SIDT1: variants seen among roughly 807,000 people sequenced by gnomAD.
The protein encoded by SIDT1 is SID1 transmembrane family, member 1.
A neutral mutation model predicts 107.5 loss-of-function variants in SIDT1; 101 were observed. The ratio of observed to expected loss-of-function variants is 0.94; its 90% CI spans 0.80 to 1.11. The LOEUF (loss-of-function observed/expected upper bound fraction) is 1.11. Ranked by LOEUF, SIDT1 falls within the 50% of genes least tolerant of loss-of-function variation. The pLI is 0.00. For synonymous variants in SIDT1, 395 were observed against 398.2 expected, an observed-to-expected ratio of 0.99 and a Z score of 0.10; for missense variants, 1,076 against 1,058.2, an observed-to-expected ratio of 1.02 and a Z score of -0.23.
At position 113,608,566 on chromosome 3, in the gene SIDT1, T is replaced by C. The variant is rs200007260; in HGVS notation, c.1720+30T>C. 9.5e-5 allele frequency: 139 copies of C among 1,467,258 alleles called. No individual in the cohort carries two copies. In the African/African-American group the frequency reaches 1.8e-3, roughly 19 times the overall value. 90.9% of individuals were successfully genotyped at this position (1,467,258 alleles called of 1,614,324 possible). On this transcript the variant is annotated intron_variant, in intron 17 of 24. Coordinates refer to ENST00000264852, the MANE Select transcript of SIDT1 (RefSeq NM_017699.3). Reference sequence around the variant, plus strand: ...TTAGAACTTATATCTACTATACAGATTTGAATCGTCAGTCTTATCCTGGAA... The same window carrying C: ...TTAGAACTTATATCTACTATACAGACTTGAATCGTCAGTCTTATCCTGGAA...
At chr3:113,548,097 C>T (rs1939801796) in intron 1 of SIDT1, among the ~76,000 whole-genome samples, 1 of 152,010 alleles carries the variant, frequency 6.6e-6, no homozygotes, top group African/African-American at 2.4e-5. Flanking sequence ...TCTGCCTAAC[C>T]CAGGATTCTA....
In SIDT1 at chr3:113,581,382, C is replaced by G; in HGVS notation, c.685C>G (p.His229Asp). ...NIMCPVYDLD[H>D]NVEFNGVYQS... is the part of the protein sequence containing the mutation. ...GCAGTGCCCGGTGTATGATCTCGACCACAATGTGGAATTTAATGGTGTCTA... is the reference window on the plus strand; with the variant it reads ...GCAGTGCCCGGTGTATGATCTCGACGACAATGTGGAATTTAATGGTGTCTA... Residue 229 changes from histidine (H) to aspartate (D), a missense_variant, in exon 6 of 25, where the codon CAC becomes GAC. Coordinates refer to ENST00000264852, the MANE Select transcript of SIDT1 (RefSeq NM_017699.3). The G allele has an allele frequency of 6.2e-7, 1 of 1,613,530 alleles. No homozygotes were observed. The highest frequency in any genetic ancestry group is 8.5e-7 in the Non-Finnish European group (1 of 1,179,786).
At chr3:113,598,052 A>C (rs779324240) in intron 10 of SIDT1, among the ~76,000 whole-genome samples, 4 of 152,258 alleles carry the variant, frequency 2.6e-5, no homozygotes, top group Non-Finnish European at 4.4e-5. Flanking sequence ...ATTGGTGCAT[A>C]TAAAAGTCCA....
intron 19 of SIDT1, chr3:113,612,473 T>C (rs536522132): frequency 4.0e-5 from 21 of 519,386 alleles, no homozygotes; most frequent in African/African-American, 3.6e-4. Context: ...GCAAACACTT[T>C]ACAGTCTGCC....
At position 113,567,534 on chromosome 3, in the gene SIDT1, C is replaced by T. The variant is rs778901309; in HGVS notation, c.345-6C>T. ...TTATTTTTTTCCCCTATATTGGCTG[C>T]TTCAGATACCAGAGGAGCTACAACT... On this transcript the variant is annotated splice_polypyrimidine_tract_variant and splice_region_variant and intron_variant, in intron 2 of 24. Coordinates refer to ENST00000264852, the MANE Select transcript of SIDT1 (RefSeq NM_017699.3). 3 of 1,608,258 alleles carry T rather than the reference C, an allele frequency of 1.9e-6. No homozygotes were observed. The highest frequency in any genetic ancestry group is 2.2e-5 in the South Asian group (2 of 90,130).
intron 1 of SIDT1, among the ~76,000 whole-genome samples, chr3:113,539,757 T>C (rs1201264676): frequency 6.6e-6 from 1 of 152,086 alleles, no homozygotes; most frequent in Admixed American, 6.6e-5. Flanking sequence ...AAAAAGGTTA[T>C]TTGGGGAGGC....
chr3:113,608,603 A>C, intron 17 of SIDT1, 67 bp downstream of exon 17: 1 of 1,144,520 alleles, frequency 8.7e-7, no homozygotes, highest in Non-Finnish European at 1.3e-6. Flanking sequence ...CCTCCCCAAA[A>C]ATGCCAAAGT....
chr3:113,584,586 G>A (rs1576852860), intron 7 of SIDT1, 112 bp from the exon 8 acceptor site: 2 of 690,888 alleles, frequency 2.9e-6, no homozygotes, highest in East Asian at 5.6e-5. Flanking sequence ...ATAAGATTCA[G>A]TGATCAGAAT....
At chr3:113,577,002 T>G in intron 4 of SIDT1, 35 bp downstream of exon 4, 1 of 1,597,848 alleles carries the variant, frequency 6.3e-7, no homozygotes. Flanking sequence ...ATCAACATCC[T>G]ACCTGTTGGT....
At chr3:113,631,663 C>T (rs1467565476), downstream of SIDT1, among the ~76,000 whole-genome samples, 3 of 152,144 alleles carry the variant, frequency 2.0e-5, no homozygotes, top group Non-Finnish European at 4.4e-5. Context: ...GGGGAAGAAT[C>T]ACAGATCAGC....
chr3:113,558,039 G>A (rs1197467937), intron 1 of SIDT1, among the ~76,000 whole-genome samples: 1 of 151,928 alleles, frequency 6.6e-6, no homozygotes, highest in Non-Finnish European at 1.5e-5. Context: ...GAAAGAGAGA[G>A]AGACAGACAG....
intron 9 of SIDT1, among the ~76,000 whole-genome samples, chr3:113,586,352 A>G (rs559227690): frequency 6.6e-6 from 1 of 152,354 alleles, no homozygotes; most frequent in African/African-American, 2.4e-5. Flanking sequence ...TCAGCAATTC[A>G]ACAAATTTAT....
At chr3:113,627,480 T>G (rs1946933206) in intron 24 of SIDT1, among the ~76,000 whole-genome samples, 166 bp from the exon 25 acceptor site, 1 of 152,240 alleles carries the variant, frequency 6.6e-6, no homozygotes. Flanking sequence ...AATTGTATAA[T>G]TATAATAAGT....
chr3:113,600,237 G>A (rs1944864185), intron 10 of SIDT1, among the ~76,000 whole-genome samples: 1 of 151,970 alleles, frequency 6.6e-6, no homozygotes, highest in Non-Finnish European at 1.5e-5. Flanking sequence ...TTGAACCCGG[G>A]AGGTGGAGGT....
At chr3:113,593,652 C>G (rs1441537698) in intron 10 of SIDT1, among the ~76,000 whole-genome samples, 2 of 152,142 alleles carry the variant, frequency 1.3e-5, no homozygotes, top group African/African-American at 4.8e-5. Flanking sequence ...AAAGTTTCAC[C>G]TTTTCTAGGA....
At position 113,592,745 on chromosome 3, in the gene SIDT1, G is replaced by A. The variant is rs149060743; in HGVS notation, c.1002-260G>A. The A allele has an allele frequency of 3.5e-3, 1,326 of 381,154 alleles. 11 individuals are homozygous for A. The highest frequency in any genetic ancestry group is 0.022 in the African/African-American group (1,078 of 48,248). 23.6% of individuals were successfully genotyped at this position (381,154 alleles called of 1,614,324 possible). On this transcript the variant is annotated intron_variant, in intron 9 of 24. Coordinates refer to ENST00000264852, the MANE Select transcript of SIDT1 (RefSeq NM_017699.3). ...TGGGACTACAGGCACCTGCCATCACGCCCAGCTAATTTTTGTATTTTTATT... is the reference window on the plus strand; with the variant it reads ...TGGGACTACAGGCACCTGCCATCACACCCAGCTAATTTTTGTATTTTTATT...
chr3:113,586,290 T>C (rs534243896), intron 9 of SIDT1, among the ~76,000 whole-genome samples: 1 of 152,252 alleles, frequency 6.6e-6, no homozygotes, highest in African/African-American at 2.4e-5. Flanking sequence ...TAGAAGTGTA[T>C]GAGTCCCTGT....
chr3:113,619,994 G>A (rs1946349739), intron 21 of SIDT1: 8 of 311,480 alleles, frequency 2.6e-5, no homozygotes, highest in Non-Finnish European at 4.2e-5. Flanking sequence ...ATAGAAAGAT[G>A]GGATGGACAG....
In SIDT1 at chr3:113,598,509, C is replaced by T. The variant is rs545194984; in HGVS notation, c.1046-3079C>T. Among the ~76,000 whole-genome samples the T allele has an allele frequency of 5.9e-5, 9 of 152,212 alleles. No individual in the cohort carries two copies. In the South Asian group the frequency reaches 1.2e-3, roughly 21 times the overall value. On this transcript the variant is annotated intron_variant, in intron 10 of 24. Coordinates refer to ENST00000264852, the MANE Select transcript of SIDT1 (RefSeq NM_017699.3). Reference sequence around the variant, plus strand: ...GTGACACCAAAATGCACTATGTGCACGTAACATCAAAACATCATGTTGTAC... The same window carrying T: ...GTGACACCAAAATGCACTATGTGCATGTAACATCAAAACATCATGTTGTAC...
Sources: allele counts gnomAD v4.1 joint callset (sites outside exome capture counted in the v4.1 genomes callset), GRCh38; gene constraint gnomAD v4.1.1; transcripts MANE v1.5; gene names NCBI Gene and HGNC (gene_info 2026-07-23, HGNC 2026-07-21).